PLEKHA2: variants seen among roughly 807,000 people sequenced by gnomAD.
PLEKHA2 encodes the protein pleckstrin homology domain containing A2, also known as pleckstrin homology domain-containing family A member 2.
Under a neutral mutation model 53.2 loss-of-function variants are expected in PLEKHA2, and 28 were observed. That is an observed-to-expected ratio of 0.53 (90% CI 0.39 to 0.72). The LOEUF (loss-of-function observed/expected upper bound fraction) is 0.72, where lower values mean the gene tolerates loss of function less well. PLEKHA2 is among the 30% of genes least tolerant of loss of function. PLEKHA2 has a pLI of 0.00. For missense variants in PLEKHA2, 426 were observed against 537.9 expected, an observed-to-expected ratio of 0.79 and a Z score of 2.06; for synonymous variants, 193 against 196.4, an observed-to-expected ratio of 0.98 and a Z score of 0.14.
chr8:38,933,148 G>A (rs1048948316), intron 2 of PLEKHA2, among the ~76,000 whole-genome samples: 1 of 152,154 alleles, frequency 6.6e-6, no homozygotes, highest in African/African-American at 2.4e-5. Flanking sequence ...GAGCTCCGGA[G>A]GCTGCTGGGC....
At chr8:38,915,982 T>C (rs1312446732) in intron 1 of PLEKHA2, among the ~76,000 whole-genome samples, 4 of 152,172 alleles carry the variant, frequency 2.6e-5, no homozygotes, top group Admixed American at 2.6e-4. Context: ...GTTATATTAT[T>C]TTATTTTATT....
chr8:38,939,852 G>A (rs1472587495), intron 3 of PLEKHA2, among the ~76,000 whole-genome samples: 1 of 152,168 alleles, frequency 6.6e-6, no homozygotes, highest in Non-Finnish European at 1.5e-5. Context: ...TTGGGAGTCT[G>A]AGGTGGGAGG....
At chr8:38,946,548 A>C (rs771666896) in intron 5 of PLEKHA2, among the ~76,000 whole-genome samples, 1 of 152,200 alleles carries the variant, frequency 6.6e-6, no homozygotes, top group Non-Finnish European at 1.5e-5. Context: ...GGTGACTGTG[A>C]AAAGTCAAGT....
Position 38,943,788 on chromosome 8 carries a change from G to T in PLEKHA2, c.199-1G>T. 6.4e-7 allele frequency: 1 copy of T among 1,565,570 alleles called. No individual in the cohort carries two copies. The highest frequency in any genetic ancestry group is 1.2e-5 in the South Asian group (1 of 83,996). ...TTTCTTTTATTTCTTATTTGATTTA[G>T]GTGAGCATAGCTACCCCAAAACAGA... On this transcript the variant is annotated splice_acceptor_variant, in intron 3 of 11. Transcript: ENST00000617275. LOFTEE classifies it high-confidence loss of function.
intron 9 of PLEKHA2, 92 bp downstream of exon 9, chr8:38,953,459 T>C: frequency 8.0e-7 from 1 of 1,244,132 alleles, no homozygotes; most frequent in Admixed American, 1.8e-5. Context: ...TATGCAAGAG[T>C]CATCTTCTTC....
At chr8:38,923,978 A>G (rs538281946) in intron 2 of PLEKHA2, among the ~76,000 whole-genome samples, 1 of 151,966 alleles carries the variant, frequency 6.6e-6, no homozygotes, top group Non-Finnish European at 1.5e-5. Flanking sequence ...CAGCCTCCCA[A>G]GTAGCTGGGA....
intron 3 of PLEKHA2, among the ~76,000 whole-genome samples, chr8:38,938,732 G>C (rs550641934): frequency 3.3e-5 from 5 of 152,258 alleles, no homozygotes; most frequent in African/African-American, 1.2e-4. Flanking sequence ...GCTGGGTAGC[G>C]CCTCTGCTGT....
At chr8:38,903,710 G>T (rs182521288) in intron 1 of PLEKHA2, among the ~76,000 whole-genome samples, 2 of 152,312 alleles carry the variant, frequency 1.3e-5, no homozygotes, top group Admixed American at 1.3e-4. Flanking sequence ...GGACAGGTGG[G>T]TGATGCCCCT....
intron 9 of PLEKHA2, among the ~76,000 whole-genome samples, chr8:38,954,167 C>A (rs1436938004): frequency 6.6e-6 from 1 of 152,190 alleles, no homozygotes; most frequent in African/African-American, 2.4e-5. Flanking sequence ...CTGTTCACAG[C>A]AGGCCGACTC....
intron 1 of PLEKHA2, among the ~76,000 whole-genome samples, chr8:38,908,805 A>C (rs1833915300): frequency 6.6e-6 from 1 of 152,206 alleles, no homozygotes; most frequent in Non-Finnish European, 1.5e-5. Context: ...AGAGTTTTTG[A>C]ATTATTGTGT....
intron 1 of PLEKHA2, among the ~76,000 whole-genome samples, chr8:38,917,604 G>T (rs922149954): frequency 1.3e-5 from 2 of 152,164 alleles, no homozygotes; most frequent in African/African-American, 4.8e-5. Context: ...CAAGTATCCA[G>T]AACTGGAATT....
At chr8:38,904,247 AT>A (rs1486326355) in intron 1 of PLEKHA2, among the ~76,000 whole-genome samples, 1 of 152,338 alleles carries the variant, frequency 6.6e-6, no homozygotes, top group South Asian at 2.1e-4. Context: ...TTTGTTATGC[AT>A]TAAAGCCGGA....
intron 10 of PLEKHA2, among the ~76,000 whole-genome samples, chr8:38,960,246 C>T (rs1297860808): frequency 6.6e-6 from 1 of 152,086 alleles, no homozygotes; most frequent in Non-Finnish European, 1.5e-5. Context: ...TTTACAGCAC[C>T]TAACTCAAAA....
At chr8:38,935,848 C>T (rs989518982) in intron 2 of PLEKHA2, 146 bp from the exon 3 acceptor site, 87 of 683,234 alleles carry the variant, frequency 1.3e-4, no homozygotes, top group Middle Eastern at 2.7e-4. Flanking sequence ...CACTGTTTCA[C>T]AGGTGAGGAA....
At chr8:38,930,071 A>C (rs1369564625) in intron 2 of PLEKHA2, among the ~76,000 whole-genome samples, 2 of 152,346 alleles carry the variant, frequency 1.3e-5, no homozygotes, top group Non-Finnish European at 2.9e-5. Context: ...GTGACGGAGA[A>C]GAATAAGCCA....
At chr8:38,952,936 A>T (rs1271681902) in intron 8 of PLEKHA2, among the ~76,000 whole-genome samples, 2 of 151,854 alleles carry the variant, frequency 1.3e-5, no homozygotes, top group African/African-American at 2.4e-5. Flanking sequence ...TTCTTCTTAT[A>T]TTTTTTTGTC....
chr8:38,969,875 A>G lies in PLEKHA2; in HGVS notation c.*92A>G. 1 of 1,506,462 alleles carries G rather than the reference A, an allele frequency of 6.6e-7. No individual in the cohort carries two copies. Among genetic ancestry groups the G allele is most frequent in the Non-Finnish European group, 8.8e-7 (1 of 1,130,000 alleles). 93.3% of individuals were successfully genotyped at this position (1,506,462 alleles called of 1,614,324 possible). ...TTCTCTACCTTGTTGGAGGGTAGTC[A>G]GAGGCCTTTATGTCACTCATATTCC... On this transcript the variant is annotated 3_prime_UTR_variant, in exon 12 of 12. Coordinates refer to ENST00000617275, the MANE Select transcript of PLEKHA2 (RefSeq NM_021623.2).
rs1292652027 is a variant in PLEKHA2, at chr8:38,952,379, A to T, written c.633+67A>T. ...CCTCAGAGCCAGTGGCTGTAGACAT[A>T]GCAGAGGTGAGAGGGGATTGACAGG... On this transcript the variant is annotated intron_variant, in intron 7 of 11. Transcript: ENST00000617275. 3 of 1,560,760 alleles carry T rather than the reference A, an allele frequency of 1.9e-6. No homozygotes were observed. The African/African-American group carries it at 4.0e-5, about 21-fold the overall frequency.
At chr8:38,913,231 A>G (rs1833981132) in intron 1 of PLEKHA2, among the ~76,000 whole-genome samples, 1 of 152,004 alleles carries the variant, frequency 6.6e-6, no homozygotes, top group South Asian at 2.1e-4. Flanking sequence ...GGGTGTGGTG[A>G]TGTGCACCTA....
Sources: gnomAD v4.1 joint callset for allele counts (sites outside exome capture counted in the v4.1 genomes callset) on GRCh38, gnomAD v4.1.1 for gene constraint, MANE v1.5 for transcripts, NCBI Gene and HGNC (gene_info 2026-07-23, HGNC 2026-07-21) for gene names.